CFAP44: variants seen among roughly 807,000 people sequenced by gnomAD.
CFAP44 encodes cilia- and flagella-associated protein 44.
CFAP44 carries 134 observed loss-of-function variants against 216.2 expected under a neutral mutation model. That is an observed-to-expected ratio of 0.62 (90% CI 0.54 to 0.72). CFAP44 has a LOEUF of 0.72. Ranked by LOEUF, CFAP44 falls within the 30% of genes least tolerant of loss-of-function variation. The pLI is 0.00. For missense variants in CFAP44, 2,035 were observed against 2,182.1 expected (o/e 0.93, Z 1.34); for synonymous variants, 700 against 727.6 (o/e 0.96, Z 0.61).
Position 113,333,495 on chromosome 3 carries a change from G to C in CFAP44, c.3526C>G (p.Leu1176Val). 6.5e-7 allele frequency: 1 copy of C among 1,537,078 alleles called. No homozygotes were observed. The highest frequency in any genetic ancestry group is 8.7e-7 in the Non-Finnish European group (1 of 1,146,854). The change falls in exon 25 of 35, where the codon CTG (leucine) becomes GTG (valine). Residue 1176 changes from leucine (L) to valine (V), a missense_variant. This residue lies in a region of CFAP44 where 1,883 missense variants were observed against 2,023.7 expected (regional missense o/e 0.93). Coordinates refer to ENST00000393845, the MANE Select transcript of CFAP44 (RefSeq NM_001164496.2). ...EAQVYMGDFN[L>V]KTAPDYKIPE... ...ATCTTGTAGTCTGGGGCTGTCTTCA[G>C]ATTGAAATCTCCCATATACACCTGG...
chr3:113,338,395 T>C (rs530680559), intron 24 of CFAP44, among the ~76,000 whole-genome samples: 17 of 151,014 alleles, frequency 1.1e-4, no homozygotes, highest in African/African-American at 3.9e-4. Context: ...GTATCTAGAA[T>C]ATATAAAGAA....
At chr3:113,440,230 A>G (rs1016355884) in intron 1 of CFAP44, among the ~76,000 whole-genome samples, 9 of 151,994 alleles carry the variant, frequency 5.9e-5, no homozygotes, top group Admixed American at 2.6e-4. Flanking sequence ...CGCCCGGCTA[A>G]TTTTTGTATT....
rs6768642 is a variant in CFAP44 at position 113,330,423 on chromosome 3, T to A, written c.3861A>T (p.Lys1287Asn). 52,779 of 1,537,254 alleles carry A rather than the reference T, an allele frequency of 0.034. 2,001 individuals carry two copies. Among genetic ancestry groups the A allele is most frequent in the African/African-American group, 0.19 (13,747 of 73,100 alleles). The change falls in exon 26 of 35, where the codon AAA becomes AAT. Residue 1287 changes from lysine to asparagine, a missense_variant. Around this residue, in one of 3 missense-constraint regions of CFAP44, gnomAD observed 1,883 missense variants for 2,023.7 expected, o/e 0.93. Coordinates refer to ENST00000393845, the MANE Select transcript of CFAP44 (RefSeq NM_001164496.2). Reference protein sequence around the residue: ...LNFKQQQMKSKDEKSPGVEQT... With the variant: ...LNFKQQQMKSNDEKSPGVEQT... ...GTTCCACTCCGGGGGACTTTTCATC[T>A]TTACTTTTCATTTGCTGTTGCTTAA...
chr3:113,341,273 C>T (rs564725055), intron 24 of CFAP44, among the ~76,000 whole-genome samples: 146 of 152,340 alleles, frequency 9.6e-4, no homozygotes, highest in African/African-American at 3.3e-3. Flanking sequence ...CTACCCAGCA[C>T]TTCCCTTCCT....
At chr3:113,352,887 C>A (rs1412338768) in intron 22 of CFAP44, among the ~76,000 whole-genome samples, 1 of 152,176 alleles carries the variant, frequency 6.6e-6, no homozygotes, top group East Asian at 1.9e-4. Context: ...TTATTTGGTA[C>A]AACTTTATCC....
intron 15 of CFAP44, among the ~76,000 whole-genome samples, chr3:113,391,231 G>A (rs529842037): frequency 2.0e-5 from 3 of 152,008 alleles, no homozygotes; most frequent in South Asian, 2.1e-4. Context: ...TGCCAAGAAC[G>A]TACATTGCAC....
chr3:113,419,883 G>C, intron 5 of CFAP44, 134 bp downstream of exon 5: 1 of 812,502 alleles, frequency 1.2e-6, no homozygotes, highest in Non-Finnish European at 1.8e-6. Context: ...TTGGAATAAA[G>C]ACAGCTGTGC....
chr3:113,315,265 C>T (rs1198060094), intron 28 of CFAP44, among the ~76,000 whole-genome samples: 1 of 151,966 alleles, frequency 6.6e-6, no homozygotes, highest in African/African-American at 2.4e-5. Flanking sequence ...TTAATCAAAG[C>T]AAAGCAGGAG....
At chr3:113,417,571 C>T (rs7623122) in intron 5 of CFAP44, among the ~76,000 whole-genome samples, 74,542 of 151,974 alleles carry the variant, frequency 0.49, 18,963 homozygotes, top group East Asian at 0.68. Flanking sequence ...CCCCTGATTA[C>T]ATATAAGACA....
At chr3:113,430,816 AT>A (rs1935087471) in intron 2 of CFAP44, among the ~76,000 whole-genome samples, 1 of 152,200 alleles carries the variant, frequency 6.6e-6, no homozygotes, top group South Asian at 2.1e-4. Context: ...ATTTTTGAAA[AT>A]AGAAAAGAAC....
intron 25 of CFAP44, among the ~76,000 whole-genome samples, chr3:113,331,632 C>A (rs1213016302): frequency 1.3e-5 from 2 of 150,236 alleles, no homozygotes; most frequent in African/African-American, 2.5e-5. Flanking sequence ...AATGGACAAC[C>A]ACCTGTGAAG....
chr3:113,362,663 C>T (rs889889293), intron 21 of CFAP44, among the ~76,000 whole-genome samples: 1 of 152,156 alleles, frequency 6.6e-6, no homozygotes, highest in Admixed American at 6.5e-5. Flanking sequence ...ACATAGGAAT[C>T]ACAAATCACA....
chr3:113,379,057 A>G (rs1188087942), intron 17 of CFAP44, among the ~76,000 whole-genome samples: 1 of 152,214 alleles, frequency 6.6e-6, no homozygotes, highest in Non-Finnish European at 1.5e-5. Flanking sequence ...TCTATAATCT[A>G]TAGATTTATC....
At chr3:113,309,944 G>A (rs951876553) in intron 28 of CFAP44, among the ~76,000 whole-genome samples, 1 of 152,150 alleles carries the variant, frequency 6.6e-6, no homozygotes, top group Non-Finnish European at 1.5e-5. Context: ...AGCCTAGCAG[G>A]AGAGAAAACT....
At chr3:113,404,934 A>G (rs1934237189) in intron 8 of CFAP44, among the ~76,000 whole-genome samples, 1 of 152,178 alleles carries the variant, frequency 6.6e-6, no homozygotes. Context: ...AAAGTCAAAC[A>G]ACTTTATTTT....
At chr3:113,419,142 T>C (rs1934735032) in intron 5 of CFAP44, among the ~76,000 whole-genome samples, 1 of 152,220 alleles carries the variant, frequency 6.6e-6, no homozygotes, top group East Asian at 1.9e-4. Flanking sequence ...ATTAGATGTT[T>C]CTTGGTCCCC....
intron 32 of CFAP44, among the ~76,000 whole-genome samples, chr3:113,298,018 C>A (rs996486790): frequency 6.6e-6 from 1 of 152,228 alleles, no homozygotes; most frequent in African/African-American, 2.4e-5. Flanking sequence ...GCCATCTAAT[C>A]AGTGACGCAA....
At chr3:113,435,998 A>G (rs988940501) in intron 1 of CFAP44, among the ~76,000 whole-genome samples, 1 of 151,106 alleles carries the variant, frequency 6.6e-6, no homozygotes, top group Non-Finnish European at 1.5e-5. Flanking sequence ...TGTAGAATAT[A>G]TACCTTTTGG....
At chr3:113,390,599 A>G (rs1933768559) in intron 15 of CFAP44, among the ~76,000 whole-genome samples, 1 of 152,166 alleles carries the variant, frequency 6.6e-6, no homozygotes, top group African/African-American at 2.4e-5. Context: ...GTAAAATCTA[A>G]AGACGCCACC....
Sources: allele counts gnomAD v4.1 joint callset (sites outside exome capture counted in the v4.1 genomes callset), GRCh38; gene constraint gnomAD v4.1.1; regional missense constraint gnomAD v4.1.1; transcripts MANE v1.5; gene names NCBI Gene and HGNC (gene_info 2026-07-23, HGNC 2026-07-21).